TRMT11: variants seen among roughly 807,000 people sequenced by gnomAD.
The protein encoded by TRMT11 is tRNA methyltransferase 11.
A neutral mutation model predicts 62.8 loss-of-function variants in TRMT11; 53 were observed. That is an observed-to-expected ratio of 0.84 (90% CI 0.68 to 1.06). The LOEUF (loss-of-function observed/expected upper bound fraction) is 1.06. Ranked by LOEUF, TRMT11 falls within the 50% of genes least tolerant of loss-of-function variation. The probability of loss-of-function intolerance (pLI) is 0.00; values close to 1 mark genes in which losing one functional copy is unlikely to be tolerated. For missense variants in TRMT11, 556 were observed against 553.4 expected (o/e 1.00, Z -0.05); for synonymous variants, 188 against 190.3 (o/e 0.99, Z 0.10).
rs537804985 is a variant in TRMT11, at chr6:125,988,111, C to T, written c.72+1489C>T. Among the ~76,000 whole-genome samples, 135 of 152,256 alleles carry T rather than the reference C, an allele frequency of 8.9e-4. 1 individual carries two copies. The highest frequency in any genetic ancestry group is 2.8e-3 in the African/African-American group (118 of 41,550). ...CAGAAGGATGTGAGACCGCAGAAAT[C>T]AGAAGGGTAAAGTTTTAGGAAGCAG... On this transcript the variant is annotated intron_variant, in intron 1 of 12. Coordinates refer to ENST00000334379, the MANE Select transcript of TRMT11 (RefSeq NM_001031712.3).
At chr6:126,232,590 C>A in the TRMT11 span, among the ~76,000 whole-genome samples, 1 of 152,056 alleles carries the variant, frequency 6.6e-6, no homozygotes, top group Non-Finnish European at 1.5e-5. Flanking sequence ...ATGAGTAGGG[C>A]AGGAAAGTGC....
chr6:126,035,446 T>C (rs1280530056), intron 12 of TRMT11, among the ~76,000 whole-genome samples: 1 of 152,112 alleles, frequency 6.6e-6, no homozygotes, highest in Non-Finnish European at 1.5e-5. Context: ...CAGGAGTCAT[T>C]TGGTCTTCTA....
At chr6:126,254,997 A>G in the TRMT11 span, among the ~76,000 whole-genome samples, 2 of 152,184 alleles carry the variant, frequency 1.3e-5, no homozygotes, top group African/African-American at 2.4e-5. Context: ...TAAATCAATT[A>G]TTTTTTAAAA....
At chr6:126,165,851 C>T (rs888388833) in intron 21 of TRMT11, among the ~76,000 whole-genome samples, 1 of 152,156 alleles carries the variant, frequency 6.6e-6, no homozygotes, top group African/African-American at 2.4e-5. Context: ...TGGAGAAGTT[C>T]TCCTGGATAA....
At chr6:126,230,033 C>T in the TRMT11 span, among the ~76,000 whole-genome samples, 1 of 152,072 alleles carries the variant, frequency 6.6e-6, no homozygotes, top group Non-Finnish European at 1.5e-5. Context: ...TATACCAAAC[C>T]TCTGTCATGC....
chr6:126,076,878 A>AG (rs1370991724), intron 17 of TRMT11, among the ~76,000 whole-genome samples: 1 of 152,146 alleles, frequency 6.6e-6, no homozygotes, highest in Non-Finnish European at 1.5e-5. Flanking sequence ...GGAATCAAAT[A>AG]GAAAAAAAGC....
chr6:126,237,173 G>A, the TRMT11 span, among the ~76,000 whole-genome samples: 433 of 152,004 alleles, frequency 2.8e-3, 5 homozygotes, highest in African/African-American at 9.9e-3. Flanking sequence ...AGCCTTTCCG[G>A]GAAACCAGAC....
At chr6:126,013,925 C>T (rs955137608) in intron 11 of TRMT11, among the ~76,000 whole-genome samples, 4 of 152,216 alleles carry the variant, frequency 2.6e-5, no homozygotes, top group African/African-American at 9.6e-5. Flanking sequence ...ATTCACGCTT[C>T]TGCTACCTTC....
In TRMT11 at chr6:126,021,686, A is replaced by T. The variant is rs149259606; in HGVS notation, c.1260+406A>T. ...TATGTTGCTTTATAAATAAAGAGAG[A>T]AAGTAAATGTCCCCAGTTTGTTAGG... On this transcript the variant is annotated intron_variant, in intron 12 of 12. Transcript: ENST00000334379. Among the ~76,000 whole-genome samples the T allele has an allele frequency of 2.5e-4, 38 of 152,330 alleles. No homozygotes were observed. In the South Asian group the frequency reaches 3.5e-3, roughly 14 times the overall value.
chr6:126,243,923 A>T, the TRMT11 span, among the ~76,000 whole-genome samples: 1 of 152,348 alleles, frequency 6.6e-6, no homozygotes, highest in South Asian at 2.1e-4. Flanking sequence ...CCTAAAACTT[A>T]AAGTATAATA....
At chr6:126,243,165 C>A in the TRMT11 span, among the ~76,000 whole-genome samples, 161 of 152,230 alleles carry the variant, frequency 1.1e-3, 2 homozygotes, top group Middle Eastern at 0.01. Context: ...ATTTATGCAG[C>A]CAAAAGACAC....
At chr6:126,122,774 C>G (rs75344658) in intron 21 of TRMT11, among the ~76,000 whole-genome samples, 2,478 of 152,174 alleles carry the variant, frequency 0.016, 30 homozygotes, top group Non-Finnish European at 0.026. Flanking sequence ...TATGAAGGCT[C>G]TCATGTATAC....
intron 11 of TRMT11, among the ~76,000 whole-genome samples, chr6:126,017,533 A>G (rs934590719): frequency 3.3e-5 from 5 of 152,206 alleles, no homozygotes; most frequent in African/African-American, 7.2e-5. Flanking sequence ...GCCAGCATCA[A>G]GATACTCTGT....
the TRMT11 span, among the ~76,000 whole-genome samples, chr6:126,259,024 G>A: frequency 9.9e-5 from 15 of 152,030 alleles, no homozygotes; most frequent in African/African-American, 3.6e-4. Context: ...CCCTTGATGT[G>A]TCCATGTGTT....
the TRMT11 span, among the ~76,000 whole-genome samples, chr6:126,264,401 A>C: frequency 6.6e-6 from 1 of 152,190 alleles, no homozygotes; most frequent in Non-Finnish European, 1.5e-5. Flanking sequence ...ATGTGTGTAT[A>C]ATCTCACAGC....
At chr6:126,138,649 A>C (rs1307135174) in intron 21 of TRMT11, among the ~76,000 whole-genome samples, 2 of 152,026 alleles carry the variant, frequency 1.3e-5, no homozygotes, top group African/African-American at 4.8e-5. Context: ...ACAGAGGTCC[A>C]TCTTTCTGAA....
At chr6:125,998,356 G>A (rs753971794) in intron 5 of TRMT11, 41 bp downstream of exon 5, 2 of 1,389,122 alleles carry the variant, frequency 1.4e-6, no homozygotes, top group Non-Finnish European at 2.0e-6. Flanking sequence ...CATGATGAAT[G>A]CAGTCTGGCC....
the TRMT11 span, among the ~76,000 whole-genome samples, chr6:126,212,499 G>A: frequency 6.6e-6 from 1 of 151,950 alleles, no homozygotes; most frequent in Non-Finnish European, 1.5e-5. Context: ...TTATAGTTTT[G>A]GGTTGGAATC....
At chr6:126,008,522 G>A (rs1227335152) in intron 8 of TRMT11, 50 bp downstream of exon 8, 2 of 1,478,312 alleles carry the variant, frequency 1.4e-6, no homozygotes, top group East Asian at 2.3e-5. Flanking sequence ...GGTGCCAAAT[G>A]TACCTTTAAA....
Sources: allele counts gnomAD v4.1 joint callset (sites outside exome capture counted in the v4.1 genomes callset), GRCh38; gene constraint gnomAD v4.1.1; transcripts MANE v1.5; gene names NCBI Gene and HGNC (gene_info 2026-07-23, HGNC 2026-07-21).